The following FBXW2 variants were observed in gnomAD, a reference collection of about 807,000 sequenced individuals.
FBXW2 encodes the protein F-box and WD repeat domain containing 2.
In FBXW2, 12 loss-of-function variants were observed where a neutral mutation model predicts 46.0. The observed-to-expected ratio is 0.26, with a 90% CI of 0.17 to 0.42. The LOEUF is 0.42. Among genes scored for constraint, FBXW2 ranks in the 10% least tolerant of loss-of-function variants. The pLI is 1.00. For synonymous variants in FBXW2, 203 were observed against 209.6 expected, an observed-to-expected ratio of 0.97 and a Z score of 0.27; for missense variants, 360 against 537.0, an observed-to-expected ratio of 0.67 and a Z score of 3.26.
At chr9:120,770,598 T>C (rs1243024116) in intron 7 of FBXW2, among the ~76,000 whole-genome samples, 2 of 152,186 alleles carry the variant, frequency 1.3e-5, no homozygotes, top group Non-Finnish European at 2.9e-5. Flanking sequence ...TAGGTCCTCA[T>C]CACAAGCATT....
At chr9:120,777,344 A>G (rs985802573) in intron 4 of FBXW2, among the ~76,000 whole-genome samples, 6 of 152,264 alleles carry the variant, frequency 3.9e-5, no homozygotes, top group African/African-American at 1.2e-4. Flanking sequence ...AGCAAAAAAT[A>G]CGTGTTTTTA....
intron 7 of FBXW2, 56 bp downstream of exon 7, chr9:120,771,292 C>G (rs772393037): frequency 3.6e-5 from 55 of 1,515,676 alleles, no homozygotes; most frequent in Non-Finnish European, 4.8e-5. Flanking sequence ...CTTGTCTTTA[C>G]TACTGAACTG....
intron 2 of FBXW2, 136 bp from the exon 3 acceptor site, chr9:120,788,414 C>T (rs1564464070): frequency 1.4e-6 from 1 of 722,510 alleles, no homozygotes; most frequent in Non-Finnish European, 2.3e-6. Flanking sequence ...TACAACTTTA[C>T]AGTTAATACA....
intron 7 of FBXW2, among the ~76,000 whole-genome samples, chr9:120,766,492 G>GT (rs772870713): frequency 1.6e-4 from 24 of 152,208 alleles, no homozygotes; most frequent in Non-Finnish European, 3.2e-4. Context: ...TTGAGATGGA[G>GT]TCTCGCTCTG....
At chr9:120,770,203 C>T (rs551045122) in intron 7 of FBXW2, among the ~76,000 whole-genome samples, 5 of 152,016 alleles carry the variant, frequency 3.3e-5, no homozygotes, top group Non-Finnish European at 4.4e-5. Context: ...AGTGAAACCC[C>T]GTCTCTACTA....
chr9:120,771,137 C>T (rs551475464), intron 7 of FBXW2, among the ~76,000 whole-genome samples: 1 of 152,318 alleles, frequency 6.6e-6, no homozygotes, highest in African/African-American at 2.4e-5. Flanking sequence ...GCGGACGTTC[C>T]AGTACGTAAC....
In FBXW2 at chr9:120,789,714, A is replaced by G. The variant is rs190830393; in HGVS notation, c.-20-1436T>C. Among the ~76,000 whole-genome samples, 176 of 152,374 alleles carry G rather than the reference A, an allele frequency of 1.2e-3. 1 individual carries two copies. The highest frequency in any genetic ancestry group is 3.5e-3 in the Admixed American group (54 of 15,306). On this transcript the variant is annotated intron_variant, in intron 2 of 7. Transcript: ENST00000608872. ...TCACCTAGATCAGGTCTACACAAAA[A>G]GCAAGATCTCATCTTTCAACTTTGA...
chr9:120,776,144 A>C lies in FBXW2; in HGVS notation c.768T>G (p.Ser256=), dbSNP rs114360493. The part of the protein sequence containing the change: ...ADFTVKVWAL[S]AGTCLNTLTG... ...TGAGTGTGTTCAGGCATGTCCCAGC[A>C]GATAAAGCCCATACTTTCACAGTGA... The change falls in exon 5 of 8, where the codon TCT becomes TCG. Residue 256 remains serine (S), a synonymous_variant. Transcript: ENST00000608872. The C allele has an allele frequency of 6.2e-4, 995 of 1,614,196 alleles. 4 individuals are homozygous for C. In the African/African-American group the frequency reaches 0.011, roughly 18 times the overall value.
At chr9:120,772,862 C>T (rs772494556) in intron 5 of FBXW2, 22 bp from the exon 6 acceptor site, 45 of 1,532,564 alleles carry the variant, frequency 2.9e-5, no homozygotes, top group Admixed American at 1.0e-4. Flanking sequence ...AACCATGTTA[C>T]GGAAAGATCC....
At chr9:120,767,086 A>G (rs1198215010) in intron 7 of FBXW2, among the ~76,000 whole-genome samples, 1 of 152,194 alleles carries the variant, frequency 6.6e-6, no homozygotes, top group Non-Finnish European at 1.5e-5. Flanking sequence ...CTGGAAGAAT[A>G]TTTTTTCTCT....
chr9:120,765,742 T>A (rs1403983281), intron 7 of FBXW2, among the ~76,000 whole-genome samples: 1 of 152,036 alleles, frequency 6.6e-6, no homozygotes, highest in Admixed American at 6.6e-5. Flanking sequence ...ATTTAAAGTT[T>A]CCCAAATAAC....
rs1473984411 is a variant in FBXW2 at position 120,776,100 on chromosome 9, A to C, written c.812T>G (p.Val271Gly). 1 of 1,613,560 alleles carries C rather than the reference A, an allele frequency of 6.2e-7. No individual in the cohort carries two copies. The highest frequency in any genetic ancestry group is 8.5e-7 in the Non-Finnish European group (1 of 1,179,892). ...LNTLTGHTEW[V>G]TKVVLQKCKV... ...TCTTCCAAGTCTTCCTACCTTGGTG[A>C]CCCATTCCGTGTGCCCGGTGAGTGT... Residue 271 changes from valine (V) to glycine (G), a missense_variant, in exon 5 of 8, where the codon GTC (valine) becomes GGC (glycine). Transcript: ENST00000608872.
chr9:120,785,624 C>T (rs947891776), intron 3 of FBXW2, among the ~76,000 whole-genome samples: 2 of 152,122 alleles, frequency 1.3e-5, no homozygotes, highest in Non-Finnish European at 2.9e-5. Context: ...TACATCTCAA[C>T]ATTAAAAATA....
intron 3 of FBXW2, among the ~76,000 whole-genome samples, chr9:120,779,978 AAAAT>A (rs2044575884): frequency 6.6e-6 from 1 of 152,002 alleles, no homozygotes; most frequent in Non-Finnish European, 1.5e-5. Context: ...TGTCTCTACT[AAAAT>A]AAAAAAAATC....
chr9:120,778,446 T>C lies in FBXW2; in HGVS notation c.590A>G (p.Gln197Arg). Residue 197 changes from glutamine (Q) to arginine (R), a missense_variant, in exon 4 of 8, where the codon CAG (glutamine) becomes CGG (arginine). Transcript: ENST00000608872. The part of the protein sequence containing the change: ...HTCAAVKFDE[Q>R]KLVTGSFDNT... ...GTCAAAGGAGCCTGTCACAAGCTTC[T>C]GTTCATCAAACTTCACCGCTGCACA... 1 of 1,614,120 alleles carries C rather than the reference T, an allele frequency of 6.2e-7. No homozygotes were observed. Among genetic ancestry groups the C allele is most frequent in the South Asian group, 1.1e-5 (1 of 91,066 alleles).
At chr9:120,780,140 A>T (rs1313137548) in intron 3 of FBXW2, among the ~76,000 whole-genome samples, 3 of 140,158 alleles carry the variant, frequency 2.1e-5, no homozygotes, top group Non-Finnish European at 4.6e-5. Context: ...CACCTCAAAG[A>T]AAAAAAAAAA....
intron 3 of FBXW2, among the ~76,000 whole-genome samples, chr9:120,785,642 T>C (rs545753786): frequency 1.3e-5 from 2 of 152,288 alleles, no homozygotes; most frequent in Non-Finnish European, 2.9e-5. Flanking sequence ...ATATTTAAAT[T>C]GAGTCTGGTG....
chr9:120,780,347 T>G (rs536204984), intron 3 of FBXW2, among the ~76,000 whole-genome samples: 7 of 147,806 alleles, frequency 4.7e-5, no homozygotes, highest in African/African-American at 1.8e-4. Flanking sequence ...AGAGGAAGAC[T>G]CTGTTTCAAA....
chr9:120,777,739 A>C (rs1200619641), intron 4 of FBXW2, among the ~76,000 whole-genome samples: 1 of 148,690 alleles, frequency 6.7e-6, no homozygotes, highest in Non-Finnish European at 1.5e-5. Context: ...AAAGCAACAG[A>C]GAGAGAAGCT....
Sources: gnomAD v4.1 joint callset for allele counts (sites outside exome capture counted in the v4.1 genomes callset) on GRCh38, gnomAD v4.1.1 for gene constraint, MANE v1.5 for transcripts, NCBI Gene and HGNC (gene_info 2026-07-23, HGNC 2026-07-21) for gene names.